ROCK1: variants seen among roughly 807,000 people sequenced by gnomAD.
ROCK1 encodes Rho associated coiled-coil containing protein kinase 1, also known as rho-associated protein kinase 1.
Under a neutral mutation model 196.8 loss-of-function variants are expected in ROCK1, and 36 were observed. That is an observed-to-expected ratio of 0.18 (90% confidence interval 0.14 to 0.24). The LOEUF is 0.24. Among genes scored for constraint, ROCK1 ranks in the 10% least tolerant of loss-of-function variants. The pLI, the probability that ROCK1 is intolerant of heterozygous loss-of-function variation, is 1.00. For synonymous variants in ROCK1, 443 were observed against 515.9 expected, an observed-to-expected ratio of 0.86 and a Z score of 1.91; for missense variants, 920 against 1,562.0, an observed-to-expected ratio of 0.59 and a Z score of 6.93.
At position 20,982,202 on chromosome 18, in the gene ROCK1, T is replaced by G. The variant is rs192335247; in HGVS notation, c.2559+561A>C. 1.4e-3 allele frequency among the ~76,000 whole-genome samples: 220 copies of G among 152,332 alleles called. 1 individual carries two copies. Among genetic ancestry groups the G allele is most frequent in the Non-Finnish European group, 1.5e-3 (103 of 68,028 alleles). Reference sequence around the variant, plus strand: ...TTTGCAGAAGTTAGCAGTAGATACTTTGAATAATTACGTTTAGCAAACACT... The same window carrying G: ...TTTGCAGAAGTTAGCAGTAGATACTGTGAATAATTACGTTTAGCAAACACT... On this transcript the variant is annotated intron_variant, in intron 21 of 32. Coordinates refer to ENST00000399799, the MANE Select transcript of ROCK1 (RefSeq NM_005406.3).
chr18:20,959,041 A>ATAT (rs2035284578), intron 29 of ROCK1, among the ~76,000 whole-genome samples: 1 of 47,782 alleles, frequency 2.1e-5, no homozygotes, highest in African/African-American at 2.0e-4. Context: ...ATTTTATATA[A>ATAT]TATATAATAT....
At chr18:21,024,585 T>C (rs554899758) in intron 10 of ROCK1, among the ~76,000 whole-genome samples, 14 of 152,320 alleles carry the variant, frequency 9.2e-5, no homozygotes, top group African/African-American at 2.2e-4. Context: ...TTCATAGCTA[T>C]TGGAGGCATG....
chr18:21,047,805 A>G (rs1385553603), intron 4 of ROCK1, among the ~76,000 whole-genome samples: 1 of 152,166 alleles, frequency 6.6e-6, no homozygotes, highest in East Asian at 1.9e-4. Context: ...CTCAAAAAAA[A>G]AAAAAAAGTG....
Position 20,984,545 on chromosome 18 carries a change from A to C in ROCK1, c.2305-10T>G. 6.3e-7 allele frequency: 1 copy of C among 1,577,656 alleles called. No individual in the cohort carries two copies. The highest frequency in any genetic ancestry group is 8.6e-7 in the Non-Finnish European group (1 of 1,167,414). ...GGGTTAGATTCTTAACCTATGAATG[A>C]GAAAAATAATTGGGATCTTAAATCT... On this transcript the variant is annotated splice_polypyrimidine_tract_variant and intron_variant, in intron 19 of 32. Coordinates refer to ENST00000399799, the MANE Select transcript of ROCK1 (RefSeq NM_005406.3).
intron 2 of ROCK1, among the ~76,000 whole-genome samples, chr18:21,061,732 A>G (rs1003107863): frequency 3.0e-4 from 45 of 152,340 alleles, no homozygotes; most frequent in African/African-American, 8.9e-4. Flanking sequence ...AAGCTGAACT[A>G]CGTAATGCTG....
intron 32 of ROCK1, 40 bp from the exon 33 acceptor site, chr18:20,951,427 C>T (rs1288724821): frequency 6.5e-7 from 1 of 1,550,234 alleles, no homozygotes; most frequent in South Asian, 1.2e-5. Flanking sequence ...AAGAAATGCA[C>T]TCAGTTTAAA....
At chr18:20,975,907 G>A (rs139751982) in intron 22 of ROCK1, among the ~76,000 whole-genome samples, 5 of 152,240 alleles carry the variant, frequency 3.3e-5, no homozygotes, top group African/African-American at 9.6e-5. Flanking sequence ...CACCATGCCC[G>A]GCCAATATGT....
Position 20,960,161 on chromosome 18 carries a change from A to G in ROCK1, c.3398T>C (p.Ile1133Thr). 1.9e-6 allele frequency: 3 copies of G among 1,600,998 alleles called. No individual in the cohort carries two copies. Among genetic ancestry groups the G allele is most frequent in the Non-Finnish European group, 2.6e-6 (3 of 1,168,160 alleles). ...GWLSVPNRGN[I>T]KRYGWKKQYV... ...CTGTTTCTTCCAGCCATATCGTTTG[A>G]TATTTCCTCTATTTGGTACTGAAAG... The change falls in exon 28 of 33, where the codon ATC becomes ACC. Residue 1133 changes from isoleucine to threonine, a missense_variant. By Grantham distance (89) the Ile-to-Thr change is moderately conservative (BLOSUM62 -1). This residue lies in a region of ROCK1 where 116 missense variants were observed against 204.2 expected (regional missense o/e 0.57). Coordinates refer to ENST00000399799, the MANE Select transcript of ROCK1 (RefSeq NM_005406.3).
chr18:21,029,015 A>G (rs1443338368), intron 9 of ROCK1, 80 bp from the exon 10 acceptor site: 3 of 1,354,444 alleles, frequency 2.2e-6, no homozygotes, highest in Non-Finnish European at 3.1e-6. Flanking sequence ...CCAACTACTG[A>G]TGGTTTCTCT....
chr18:21,045,556 G>T, intron 4 of ROCK1, 89 bp from the exon 5 acceptor site: 1 of 1,012,654 alleles, frequency 9.9e-7, no homozygotes, highest in Non-Finnish European at 1.4e-6. Context: ...GTTAATAAAA[G>T]ATTTAAGTAA....
intron 22 of ROCK1, among the ~76,000 whole-genome samples, chr18:20,977,937 T>C (rs1167977369): frequency 1.5e-4 from 23 of 152,166 alleles, no homozygotes; most frequent in Admixed American, 1.2e-3. Flanking sequence ...TCCAGTTAAT[T>C]AGGTTATCTA....
intron 1 of ROCK1, among the ~76,000 whole-genome samples, chr18:21,085,639 C>T (rs2036520556): frequency 6.6e-6 from 1 of 152,092 alleles, no homozygotes; most frequent in Non-Finnish European, 1.5e-5. Context: ...GGAGAACAGG[C>T]TTAAGATACC....
At chr18:20,976,415 C>T (rs1023719051) in intron 22 of ROCK1, among the ~76,000 whole-genome samples, 1 of 152,138 alleles carries the variant, frequency 6.6e-6, no homozygotes, top group Non-Finnish European at 1.5e-5. Flanking sequence ...AGTTTTGGGT[C>T]AACCTTTTAC....
chr18:20,963,682 T>C (rs2035347265), intron 27 of ROCK1, among the ~76,000 whole-genome samples: 1 of 152,140 alleles, frequency 6.6e-6, no homozygotes, highest in African/African-American at 2.4e-5. Context: ...TCTCTTCAGA[T>C]GTCTAGGTTA....
rs191652768 is a variant in ROCK1 at position 21,042,718 on chromosome 18, C to T, written c.676-9G>A. 77 of 1,577,564 alleles carry T rather than the reference C, an allele frequency of 4.9e-5. No homozygotes were observed. The highest frequency in any genetic ancestry group is 9.2e-5 in the East Asian group (4 of 43,694). On this transcript the variant is annotated splice_polypyrimidine_tract_variant and intron_variant, in intron 6 of 32. Transcript: ENST00000399799. ...CATCGTACCATGCCTTCCTAAAAAG[C>T]GCGGCAGGTCAAATTTTGAATTAGG... is the stretch of plus-strand genomic sequence containing the variant.
chr18:21,074,553 G>A (rs1030992527), intron 1 of ROCK1, among the ~76,000 whole-genome samples: 2 of 152,036 alleles, frequency 1.3e-5, no homozygotes, highest in Non-Finnish European at 2.9e-5. Context: ...CTATTCTCCC[G>A]CTGGAATGTG....
At chr18:20,969,605 T>C (rs553195718) in intron 23 of ROCK1, among the ~76,000 whole-genome samples, 1 of 152,306 alleles carries the variant, frequency 6.6e-6, no homozygotes, top group Non-Finnish European at 1.5e-5. Context: ...AAAACATTTA[T>C]TTATAGATTA....
rs141945153 is a variant in ROCK1 at position 20,997,992 on chromosome 18, A to C, written c.1886-5055T>G. Among the ~76,000 whole-genome samples the C allele has an allele frequency of 8.2e-3, 1,243 of 151,938 alleles. 14 individuals are homozygous for C. The highest frequency in any genetic ancestry group is 0.029 in the African/African-American group (1,189 of 41,390). ...GCTGGGACTACAGGTGCCTGCAACC[A>C]CTCCTGGCTAATTTTTGTATTTTTA... On this transcript the variant is annotated intron_variant, in intron 16 of 32. Coordinates refer to ENST00000399799, the MANE Select transcript of ROCK1 (RefSeq NM_005406.3).
intron 4 of ROCK1, among the ~76,000 whole-genome samples, chr18:21,048,602 T>G (rs773018355): frequency 6.6e-6 from 1 of 152,086 alleles, no homozygotes. Context: ...CAGGCTGGAG[T>G]GCAGTGATGT....
Sources: gnomAD v4.1 joint callset for allele counts (sites outside exome capture counted in the v4.1 genomes callset) on GRCh38, gnomAD v4.1.1 for gene constraint, gnomAD v4.1.1 regional missense constraint, MANE v1.5 for transcripts, NCBI Gene and HGNC (gene_info 2026-07-23, HGNC 2026-07-21) for gene names.